Variants in SLC12A3 observed in about 807,000 individuals in gnomAD.
SLC12A3 encodes the protein Na-Cl cotransporter.
In SLC12A3, 104 loss-of-function variants were observed where a neutral mutation model predicts 121.0. That is an observed-to-expected ratio of 0.86 (90% CI 0.73 to 1.01). SLC12A3 has a LOEUF of 1.01. Ranked by LOEUF, SLC12A3 falls within the 50% of genes least tolerant of loss-of-function variation. The probability of loss-of-function intolerance (pLI) is 0.00; values close to 1 mark genes in which losing one functional copy is unlikely to be tolerated. For synonymous variants in SLC12A3, 536 were observed against 533.4 expected (o/e 1.00, Z -0.07); for missense variants, 1,328 against 1,356.3 (o/e 0.98, Z 0.33).
chr16:56,913,018 C>G (rs2055706540), intron 25 of SLC12A3, among the ~76,000 whole-genome samples: 1 of 152,102 alleles, frequency 6.6e-6, no homozygotes, highest in East Asian at 1.9e-4. Flanking sequence ...GAGGTGAGGT[C>G]GTGGGCTTGG....
Position 56,870,079 on chromosome 16 carries a change from C to A in SLC12A3, c.602-17C>A. 1 of 1,611,642 alleles carries A rather than the reference C, an allele frequency of 6.2e-7. No homozygotes were observed. Among genetic ancestry groups the A allele is most frequent in the South Asian group, 1.1e-5 (1 of 91,086 alleles). On this transcript the variant is annotated splice_polypyrimidine_tract_variant and intron_variant, in intron 4 of 25. Transcript: ENST00000563236. ...CCGACTCATCTGGTTTCATGGTTCC[C>A]GGCTCTGCCCTGATAGGTGGCACCT... is the stretch of plus-strand genomic sequence containing the variant.
Position 56,868,323 on chromosome 16 carries a change from C to A in SLC12A3, c.456C>A (p.Gly152=). The A allele has an allele frequency of 6.2e-7, 1 of 1,613,954 alleles. No individual in the cohort carries two copies. Among genetic ancestry groups the A allele is most frequent in the Non-Finnish European group, 8.5e-7 (1 of 1,179,962 alleles). The change falls in exon 3 of 26, where the codon GGC becomes GGA. Residue 152 remains glycine, a synonymous_variant. Transcript: ENST00000563236. The part of the protein sequence containing the change: ...VMIRCMLNIW[G]VILYLRLPWI... ...TTCGTTGCATGCTCAACATTTGGGG[C>A]GTGATCCTCTACCTGCGGCTGCCCT...
chr16:56,898,495 T>TGA (rs1400962376), intron 22 of SLC12A3, among the ~76,000 whole-genome samples: 1 of 152,174 alleles, frequency 6.6e-6, no homozygotes, highest in African/African-American at 2.4e-5. Context: ...CCTGACCTCG[T>TGA]GATCCACCTG....
Position 56,904,456 on chromosome 16 carries a change from T to G in SLC12A3, c.2918T>G (p.Ile973Ser), listed in dbSNP as rs1227544231. ...VLDYSRDAAL[I>S]VITLPIGRKG... ...GATTACTCCCGAGACGCTGCTCTCA[T>G]CGTCATGTAAGTAGTGCCCGGCTGG... is the stretch of plus-strand genomic sequence containing the variant. The change falls in exon 25 of 26, where the codon ATC becomes AGC. Residue 973 changes from isoleucine (I) to serine (S), a missense_variant. By Grantham distance (142) the Ile-to-Ser change is moderately radical. Coordinates refer to ENST00000563236, the MANE Select transcript of SLC12A3 (RefSeq NM_001126108.2). The G allele has an allele frequency of 6.2e-7, 1 of 1,613,770 alleles. No homozygotes were observed. The highest frequency in any genetic ancestry group is 8.5e-7 in the Non-Finnish European group (1 of 1,179,730).
chr16:56,874,175 C>T (rs578225661), intron 8 of SLC12A3, among the ~76,000 whole-genome samples: 2 of 152,292 alleles, frequency 1.3e-5, no homozygotes, highest in East Asian at 1.9e-4. Flanking sequence ...CAGCTCAGAG[C>T]CTGGCACATA....
chr16:56,886,756 C>T (rs2055317929), intron 16 of SLC12A3, among the ~76,000 whole-genome samples, 197 bp from the exon 17 acceptor site: 1 of 152,140 alleles, frequency 6.6e-6, no homozygotes, highest in Non-Finnish European at 1.5e-5. Context: ...GCTGCCCTGC[C>T]TCTTTTCTGC....
chr16:56,875,977 G>T (rs1366886221), intron 8 of SLC12A3, among the ~76,000 whole-genome samples: 1 of 151,826 alleles, frequency 6.6e-6, no homozygotes, highest in Admixed American at 6.6e-5. Context: ...CCACAAATTG[G>T]GTGGCTTAAA....
At chr16:56,882,345 C>T (rs1431643660) in intron 12 of SLC12A3, 51 bp from the exon 13 acceptor site, 3 of 1,505,620 alleles carry the variant, frequency 2.0e-6, no homozygotes, top group Non-Finnish European at 2.8e-6. Flanking sequence ...CAAGCCAGTC[C>T]TTGGCAGAGT....
chr16:56,884,019 C>T (rs903622726), intron 13 of SLC12A3, 30 bp from the exon 14 acceptor site: 2 of 1,613,382 alleles, frequency 1.2e-6, no homozygotes, highest in African/African-American at 2.7e-5. Flanking sequence ...GACTGCCAGG[C>T]ATGCCCACTG....
intron 22 of SLC12A3, among the ~76,000 whole-genome samples, chr16:56,895,542 T>A (rs1481898447): frequency 2.0e-5 from 3 of 150,320 alleles, no homozygotes; most frequent in Non-Finnish European, 4.4e-5. Context: ...TAAAAATTTA[T>A]ATATAATTTT....
In SLC12A3 at chr16:56,913,863, T is replaced by C. The variant is rs565029718; in HGVS notation, c.*458T>C. 144 of 224,040 alleles carry C rather than the reference T, an allele frequency of 6.4e-4. No homozygotes were observed. Among genetic ancestry groups the C allele is most frequent in the African/African-American group, 3.2e-3 (138 of 43,696 alleles). 13.9% of individuals were successfully genotyped at this position (224,040 alleles called of 1,614,324 possible). On this transcript the variant is annotated 3_prime_UTR_variant, in exon 26 of 26. Coordinates refer to ENST00000563236, the MANE Select transcript of SLC12A3 (RefSeq NM_001126108.2). ...TCACCTGTAGGACCTACAGGCTCTC[T>C]AAGGAATGCAGGTCTCTCTCTGAGC...
intron 19 of SLC12A3, among the ~76,000 whole-genome samples, chr16:56,891,185 G>A (rs1469811862): frequency 1.3e-5 from 2 of 151,708 alleles, no homozygotes; most frequent in Non-Finnish European, 2.9e-5. Flanking sequence ...ACCAGCCTGG[G>A]TAACATAGCA....
At chr16:56,884,980 T>C (rs768364903) in intron 14 of SLC12A3, among the ~76,000 whole-genome samples, 21 of 152,192 alleles carry the variant, frequency 1.4e-4, no homozygotes, top group Non-Finnish European at 2.8e-4. Context: ...TCGGCCAGGC[T>C]GGTCTTGAAC....
rs375990084 is a variant in SLC12A3, at chr16:56,870,183, G to A, written c.689G>A (p.Gly230Asp). 20 of 1,613,958 alleles carry A rather than the reference G, an allele frequency of 1.2e-5. No individual in the cohort carries two copies. The highest frequency in any genetic ancestry group is 5.0e-5 in the Admixed American group (3 of 60,016). ...GLIFAFANAV[G>D]VAMHTVGFAE... is the part of the protein sequence containing the mutation. ...ATTTTCGCTTTCGCCAATGCCGTGG[G>A]TGTGGCCATGCACACGGTGGGCTTT... is the stretch of plus-strand genomic sequence containing the variant. Residue 230 changes from glycine to aspartate, a missense_variant, in exon 5 of 26, where the codon GGT becomes GAT. Gly to Asp is a moderately conservative substitution (Grantham distance 94). Coordinates refer to ENST00000563236, the MANE Select transcript of SLC12A3 (RefSeq NM_001126108.2).
rs267607051 is a variant in SLC12A3, at chr16:56,894,594, G to A, written c.2585G>A (p.Arg862His). 20 of 1,614,002 alleles carry A rather than the reference G, an allele frequency of 1.2e-5. No homozygotes were observed. In the East Asian group the frequency reaches 2.0e-4, roughly 16 times the overall value. Residue 862 changes from arginine (R) to histidine (H), a missense_variant, in exon 22 of 26, where the codon CGT (arginine) becomes CAT (histidine). Transcript: ENST00000563236. ...AGGAGGTGGAGCAAATGCAAGATCCGTGTGTTCGTAGGCGGCCAGATTAAC... is the reference window on the plus strand; with the variant it reads ...AGGAGGTGGAGCAAATGCAAGATCCATGTGTTCGTAGGCGGCCAGATTAAC... ...RKRRWSKCKI[R>H]VFVGGQINRM... is the part of the protein sequence containing the mutation.
chr16:56,886,916 G>T lies in SLC12A3; in HGVS notation c.2038-37G>T, dbSNP rs769692414. The T allele has an allele frequency of 5.0e-6, 8 of 1,612,548 alleles. No homozygotes were observed. The African/African-American group carries it at 1.1e-4, about 22-fold the overall frequency. On this transcript the variant is annotated intron_variant, in intron 16 of 25. Transcript: ENST00000563236. ...GTTGAATCTCAGGCTGGAGGGTGAA[G>T]GCAGCTGGTGATGTCCCCTGCCCCT...
chr16:56,869,590 T>C, intron 3 of SLC12A3, 139 bp from the exon 4 acceptor site: 2 of 741,796 alleles, frequency 2.7e-6, no homozygotes, highest in South Asian at 1.5e-5. Context: ...CCTCCCAAAG[T>C]GACAGAGACC....
chr16:56,898,797 G>A (rs192743364), intron 22 of SLC12A3, among the ~76,000 whole-genome samples: 6 of 152,142 alleles, frequency 3.9e-5, no homozygotes, highest in African/African-American at 1.2e-4. Context: ...GGTTATCTTC[G>A]CTTCCTCAGC....
chr16:56,892,268 G>A (rs2055399081), intron 20 of SLC12A3, 135 bp downstream of exon 20: 3 of 769,900 alleles, frequency 3.9e-6, no homozygotes, highest in South Asian at 2.8e-5. Context: ...TGTGACGGTG[G>A]TGCCTGAGTA....
Sources: allele counts gnomAD v4.1 joint callset (sites outside exome capture counted in the v4.1 genomes callset), GRCh38; gene constraint gnomAD v4.1.1; transcripts MANE v1.5; gene names NCBI Gene and HGNC (gene_info 2026-07-23, HGNC 2026-07-21).